Variants in TENM1 observed in about 807,000 individuals in gnomAD.
TENM1 encodes the protein teneurin transmembrane protein 1, also known as teneurin-1.
TENM1 carries 35 observed loss-of-function variants against 174.8 expected under a neutral mutation model. The observed-to-expected ratio is 0.20, with a 90% confidence interval of 0.15 to 0.27. TENM1 has a LOEUF of 0.27. Ranked by LOEUF, TENM1 falls within the 10% of genes least tolerant of loss-of-function variation. The pLI is 1.00. For synonymous variants in TENM1, 781 were observed against 798.7 expected (o/e 0.98, Z 0.37); for missense variants, 1,633 against 2,130.1 (o/e 0.77, Z 4.59).
At chrX:124,637,142 C>A (rs942915292) in intron 11 of TENM1, among the ~76,000 whole-genome samples, 1 of 104,911 alleles carries the variant, frequency 9.5e-6, no homozygotes, top group Non-Finnish European at 1.9e-5. Flanking sequence ...CAGGCTGGAG[C>A]GCAGTGGCAC....
the TENM1 span, among the ~76,000 whole-genome samples, chrX:125,040,519 T>C: frequency 1.8e-5 from 2 of 111,405 alleles, no homozygotes; most frequent in Admixed American, 9.6e-5. Flanking sequence ...AAAACTAAGA[T>C]TGCAGTTTCT....
exon 7 of TENM1, chrX:124,653,591 T>C: frequency 8.3e-7 from 1 of 1,207,458 alleles, no homozygotes; most frequent in Non-Finnish European, 1.1e-6. Context: ...TACCTGAGTA[T>C]GTGTAGGTGG....
At chrX:124,584,678 C>T (rs1197370064) in intron 11 of TENM1, among the ~76,000 whole-genome samples, 4 of 110,864 alleles carry the variant, frequency 3.6e-5, no homozygotes, top group African/African-American at 1.3e-4. Context: ...CAAATTCACA[C>T]ATAACAATAT....
At chrX:124,447,454 C>A (rs961931742) in intron 23 of TENM1, among the ~76,000 whole-genome samples, 1 of 111,853 alleles carries the variant, frequency 8.9e-6, no homozygotes, top group African/African-American at 3.2e-5. Flanking sequence ...GCCTCTTCTT[C>A]CCAGCCAAAC....
At chrX:124,981,912 TA>T in the TENM1 span, among the ~76,000 whole-genome samples, 1 of 45,841 alleles carries the variant, frequency 2.2e-5, no homozygotes, top group Non-Finnish European at 3.5e-5. Flanking sequence ...CATATGTAAC[TA>T]ACCTGCACAA....
At chrX:124,693,377 T>C (rs1287208312) in intron 5 of TENM1, among the ~76,000 whole-genome samples, 2 of 111,849 alleles carry the variant, frequency 1.8e-5, no homozygotes, top group African/African-American at 6.5e-5. Flanking sequence ...TGGGAACCAT[T>C]AATATAATTA....
At chrX:125,195,578 ACACTT>A in the TENM1 span, among the ~76,000 whole-genome samples, 1 of 111,895 alleles carries the variant, frequency 8.9e-6, no homozygotes, top group Admixed American at 9.5e-5. Context: ...CCTTATGTTG[ACACTT>A]CATGAATTCT....
chrX:125,141,474 T>C, the TENM1 span, among the ~76,000 whole-genome samples: 1 of 111,777 alleles, frequency 8.9e-6, no homozygotes, highest in East Asian at 2.8e-4. Flanking sequence ...GAGGTACCTC[T>C]ATATTCTTTT....
At chrX:125,115,956 A>C in the TENM1 span, among the ~76,000 whole-genome samples, 2 of 111,661 alleles carry the variant, frequency 1.8e-5, no homozygotes, top group Non-Finnish European at 3.8e-5. Context: ...AAGCAAAAAG[A>C]ACAAAGCTGG....
chrX:124,894,214 AG>A (rs1046645369), intron 3 of TENM1, 81 bp downstream of exon 6: 24 of 694,832 alleles, frequency 3.5e-5, no homozygotes, highest in Non-Finnish European at 5.0e-5. Flanking sequence ...TCAGAGAAGC[AG>A]GGTTCCATTT....
At chrX:125,124,393 C>T in the TENM1 span, among the ~76,000 whole-genome samples, 1 of 111,709 alleles carries the variant, frequency 9.0e-6, no homozygotes, top group Non-Finnish European at 1.9e-5. Context: ...TATGACTGTA[C>T]ATCTAGTAGA....
the TENM1 span, among the ~76,000 whole-genome samples, chrX:125,040,563 C>A: frequency 1.8e-5 from 2 of 111,245 alleles, no homozygotes. Context: ...CCATCTATTT[C>A]AAAAACCCAT....
intron 12 of TENM1, among the ~76,000 whole-genome samples, chrX:124,564,978 A>G (rs2048909131): frequency 9.0e-6 from 1 of 111,584 alleles, no homozygotes; most frequent in African/African-American, 3.3e-5. Context: ...ATTTAATGAA[A>G]TTGCCTCTAA....
chrX:124,973,570 C>G, the TENM1 span, among the ~76,000 whole-genome samples: 1 of 111,336 alleles, frequency 9.0e-6, no homozygotes, highest in Admixed American at 9.6e-5. Context: ...TGTGTCCTCT[C>G]TTATTTCCTT....
At chrX:124,841,187 A>C (rs1032901396) in intron 3 of TENM1, among the ~76,000 whole-genome samples, 13 of 111,908 alleles carry the variant, frequency 1.2e-4, no homozygotes, top group Admixed American at 1.9e-4. Context: ...CTCTCTAAAC[A>C]TTACCTTCAG....
rs1247317182 is a variant in TENM1 at position 124,652,968 on chromosome X, G to GA, written c.1368+615dup. On this transcript the variant is annotated intron_variant, in intron 7 of 31. Coordinates refer to ENST00000422452, the Ensembl canonical transcript of TENM1. ...TTTAACTATAGTCATATCTGTTGGG[G>GA]AAAAAACAAGCCCCAGTGTTTGATC... Among the ~76,000 whole-genome samples the GA allele has an allele frequency of 6.3e-5, 7 of 111,466 alleles. No individual in the cohort carries two copies. In the Admixed American group the frequency reaches 6.7e-4, roughly 11 times the overall value.
chrX:124,970,160 G>A, the TENM1 span, among the ~76,000 whole-genome samples: 11 of 111,008 alleles, frequency 9.9e-5, no homozygotes, highest in Non-Finnish European at 1.7e-4. Flanking sequence ...TTTTCTTTCC[G>A]TTTCTCATTC....
intron 4 of TENM1, among the ~76,000 whole-genome samples, chrX:124,706,673 CAAAT>C (rs1237270520): frequency 1.8e-5 from 2 of 111,704 alleles, no homozygotes; most frequent in African/African-American, 6.5e-5. Flanking sequence ...TTGCCAAAAA[CAAAT>C]AAATAAATAA....
At chrX:125,099,341 CT>C in the TENM1 span, among the ~76,000 whole-genome samples, 1 of 112,300 alleles carries the variant, frequency 8.9e-6, no homozygotes, top group Non-Finnish European at 1.9e-5. Flanking sequence ...AGTATAAACT[CT>C]TTCAGGCTAT....
Sources: gnomAD v4.1 joint callset for allele counts (sites outside exome capture counted in the v4.1 genomes callset) on GRCh38, gnomAD v4.1.1 for gene constraint, MANE v1.5 for transcripts, NCBI Gene and HGNC (gene_info 2026-07-23, HGNC 2026-07-21) for gene names.